The following PCDHGA11 variants were observed in gnomAD, a reference collection of about 807,000 sequenced individuals.
The protein encoded by PCDHGA11 is protocadherin gamma subfamily A, 11.
In PCDHGA11, 39 loss-of-function variants were observed where a neutral mutation model predicts 60.4. That is an observed-to-expected ratio of 0.65 (90% CI 0.50 to 0.84). The LOEUF is 0.84. Ranked by LOEUF, PCDHGA11 falls within the 40% of genes least tolerant of loss-of-function variation. The probability of loss-of-function intolerance (pLI) is 0.00; values close to 1 mark genes in which losing one functional copy is unlikely to be tolerated. For missense variants in PCDHGA11, 1,165 were observed against 1,197.7 expected (o/e 0.97, Z 0.40); for synonymous variants, 533 against 510.3 (o/e 1.04, Z -0.60).
At chr5:141,481,070 A>G (rs2099531062) in intron 1 of PCDHGA11, among the ~76,000 whole-genome samples, 1 of 152,144 alleles carries the variant, frequency 6.6e-6, no homozygotes, top group South Asian at 2.1e-4. Context: ...AAACAAAAAG[A>G]AAGAAAGAAA....
At chr5:141,464,000 T>C (rs1045842127) in intron 1 of PCDHGA11, among the ~76,000 whole-genome samples, 15 of 152,158 alleles carry the variant, frequency 9.9e-5, no homozygotes, top group Non-Finnish European at 1.3e-4. Context: ...GTGCAGTGGC[T>C]CATGCTTGTA....
chr5:141,427,839 G>T, intron 1 of PCDHGA11: 1 of 1,547,310 alleles, frequency 6.5e-7, no homozygotes, highest in Non-Finnish European at 8.8e-7. Flanking sequence ...GCGTGCCTTC[G>T]ACCACGAGCA....
chr5:141,478,290 A>G, intron 1 of PCDHGA11: 1 of 1,614,056 alleles, frequency 6.2e-7, no homozygotes, highest in South Asian at 1.1e-5. Flanking sequence ...CAGTCTAGAG[A>G]CCTATACCGA....
Position 141,427,970 on chromosome 5 carries a change from C to A in PCDHGA11, c.2433+4310C>A, listed in dbSNP as rs760792774. On this transcript the variant is annotated intron_variant, in intron 1 of 3. Coordinates refer to ENST00000398587, the MANE Select transcript of PCDHGA11 (RefSeq NM_018914.3). ...ATGACAATGTGCCGCGGGTGCTGTA[C>A]CCCGCGCTGGGGCCCGATGGCTCCG... 1.9e-6 allele frequency: 3 copies of A among 1,592,510 alleles called. No individual in the cohort carries two copies. The Admixed American group carries it at 5.0e-5, about 27-fold the overall frequency.
At position 141,432,987 on chromosome 5, in the gene PCDHGA11, T is replaced by C. The variant is rs1259121931; in HGVS notation, c.2433+9327T>C. ...GCGCCGGCGTCGCACTTTGTGGGCGTGGACGGGGTGCAGGCTTTCCTGCAG... is the reference window on the plus strand; with the variant it reads ...GCGCCGGCGTCGCACTTTGTGGGCGCGGACGGGGTGCAGGCTTTCCTGCAG... On this transcript the variant is annotated intron_variant, in intron 1 of 3. Coordinates refer to ENST00000398587, the MANE Select transcript of PCDHGA11 (RefSeq NM_018914.3). The surrounding 1 kb of genome is among the most constrained non-coding windows in gnomAD (Gnocchi z 6.0). The C allele has an allele frequency of 3.7e-6, 6 of 1,614,174 alleles. No individual in the cohort carries two copies. Among genetic ancestry groups the C allele is most frequent in the Non-Finnish European group, 5.1e-6 (6 of 1,180,032 alleles).
rs769607720 is a variant in PCDHGA11 at position 141,489,346 on chromosome 5, G to A, written c.2434-5461G>A. 4 of 1,611,652 alleles carry A rather than the reference G, an allele frequency of 2.5e-6. No individual in the cohort carries two copies. The highest frequency in any genetic ancestry group is 3.4e-6 in the Non-Finnish European group (4 of 1,178,446). On this transcript the variant is annotated intron_variant, in intron 1 of 3. Transcript: ENST00000398587. The surrounding 1 kb of genome is among the most constrained non-coding windows in gnomAD (Gnocchi z 4.5). Reference sequence around the variant, plus strand: ...GTCTGGGCAGCTTCGTTACTCAGTGGTGGAGGAGTCTGAGCCGGGGACGCT... The same window carrying A: ...GTCTGGGCAGCTTCGTTACTCAGTGATGGAGGAGTCTGAGCCGGGGACGCT...
Position 141,477,918 on chromosome 5 carries a change from G to A in PCDHGA11, c.2434-16889G>A. 1 of 1,614,154 alleles carries A rather than the reference G, an allele frequency of 6.2e-7. No individual in the cohort carries two copies. Among genetic ancestry groups the A allele is most frequent in the Admixed American group, 1.7e-5 (1 of 60,026 alleles). ...GTGGTAGGCTGGGACGCGGATGCAG[G>A]GCACAATGCCTGGCTCTCCTACAGT... is the stretch of plus-strand genomic sequence containing the variant. On this transcript the variant is annotated intron_variant, in intron 1 of 3. Coordinates refer to ENST00000398587, the MANE Select transcript of PCDHGA11 (RefSeq NM_018914.3). The surrounding 1 kb of genome is among the most constrained non-coding windows in gnomAD (Gnocchi z 4.9).
chr5:141,426,704 A>C, intron 1 of PCDHGA11: 1 of 440,322 alleles, frequency 2.3e-6, no homozygotes, highest in South Asian at 1.6e-5. Context: ...TTGTTTTACA[A>C]ATCAATGAAC....
In PCDHGA11 at chr5:141,490,594, C is replaced by A. The variant is rs1276468877; in HGVS notation, c.2434-4213C>A. The A allele has an allele frequency of 2.5e-6, 4 of 1,614,056 alleles. No individual in the cohort carries two copies. The highest frequency in any genetic ancestry group is 1.6e-4 in the Middle Eastern group (1 of 6,084). On this transcript the variant is annotated intron_variant, in intron 1 of 3. Transcript: ENST00000398587. The surrounding 1 kb of genome is among the most constrained non-coding windows in gnomAD (Gnocchi z 5.4). ...CATTTCAGATGTCAATGACAATGCA[C>A]CCCGCTTCAACCAGCAGCTTTACAC...
intron 1 of PCDHGA11, among the ~76,000 whole-genome samples, chr5:141,483,302 C>G (rs1262756268): frequency 2.0e-5 from 3 of 152,012 alleles, no homozygotes; most frequent in Admixed American, 6.5e-5. Context: ...AGTGAAGGGA[C>G]TGGGGACATT....
intron 1 of PCDHGA11, among the ~76,000 whole-genome samples, chr5:141,463,810 A>G (rs1469182885): frequency 6.6e-6 from 1 of 152,178 alleles, no homozygotes; most frequent in Non-Finnish European, 1.5e-5. Context: ...AAAAGCTTTT[A>G]TCACACATTT....
At position 141,432,816 on chromosome 5, in the gene PCDHGA11, C is replaced by A. The variant is rs778545682; in HGVS notation, c.2433+9156C>A. Reference sequence around the variant, plus strand: ...CTCGAGTCTCCAGCTAACTCTGAAACCTCAGACCTCACTCTGTACCTGGTG... The same window carrying A: ...CTCGAGTCTCCAGCTAACTCTGAAAACTCAGACCTCACTCTGTACCTGGTG... On this transcript the variant is annotated intron_variant, in intron 1 of 3. Transcript: ENST00000398587. The surrounding 1 kb of genome is among the most constrained non-coding windows in gnomAD (Gnocchi z 6.0). The A allele has an allele frequency of 7.6e-5, 122 of 1,614,044 alleles. No individual in the cohort carries two copies. The highest frequency in any genetic ancestry group is 3.3e-5 in the Admixed American group (2 of 60,012).
intron 2 of PCDHGA11, among the ~76,000 whole-genome samples, chr5:141,496,733 C>A (rs1221912777): frequency 6.6e-6 from 1 of 152,138 alleles, no homozygotes; most frequent in Non-Finnish European, 1.5e-5. Context: ...TGTATTCATT[C>A]GTTCATTTAT....
chr5:141,460,981 G>GTA (rs1491204135), intron 1 of PCDHGA11, among the ~76,000 whole-genome samples: 1,658 of 121,856 alleles, frequency 0.014, 27 homozygotes, highest in African/African-American at 0.051. Flanking sequence ...GTGTGTGTGT[G>GTA]TGTATATATA....
Position 141,423,176 on chromosome 5 carries a change from A to C in PCDHGA11, c.1949A>C (p.His650Pro), listed in dbSNP as rs781125798. Reference sequence around the variant, plus strand: ...AGCCTCGTGGTGGCCGTCCAGGACCACGGCCAGCCCCCTCTCTCGGCCACC... The same window carrying C: ...AGCCTCGTGGTGGCCGTCCAGGACCCCGGCCAGCCCCCTCTCTCGGCCACC... ...KQSLVVAVQD[H>P]GQPPLSATVT... The change falls in exon 1 of 4, where the codon CAC (histidine) becomes CCC (proline). Residue 650 changes from histidine to proline, a missense_variant. His to Pro is a moderately conservative substitution (Grantham distance 77, BLOSUM62 -2). Transcript: ENST00000398587. 1.7e-5 allele frequency: 28 copies of C among 1,613,356 alleles called. No homozygotes were observed. In the African/African-American group the frequency reaches 3.6e-4, roughly 21 times the overall value.
At chr5:141,478,467 G>T (rs2099457769) in intron 1 of PCDHGA11, 1 of 1,613,656 alleles carries the variant, frequency 6.2e-7, no homozygotes, top group South Asian at 1.1e-5. Flanking sequence ...CCACTGGCCA[G>T]CCGCCAGAAC....
In PCDHGA11 at chr5:141,463,518, G is replaced by A. The variant is rs537466389; in HGVS notation, c.2434-31289G>A. 5.7e-5 allele frequency among the ~76,000 whole-genome samples: 8 copies of A among 139,140 alleles called. No individual in the cohort carries two copies. The East Asian group carries it at 1.3e-3, about 22-fold the overall frequency. The allele number at this position is 139,140 out of a possible 152,430, so 91.3% of individuals were successfully genotyped here. On this transcript the variant is annotated intron_variant, in intron 1 of 3. Coordinates refer to ENST00000398587, the MANE Select transcript of PCDHGA11 (RefSeq NM_018914.3). The stretch of plus-strand genomic sequence containing the variant: ...GGCTGGAGTGACGTGGCGTGATCTC[G>A]GCTTACTAGAAACTCCGGCTCCCGG...
Position 141,487,831 on chromosome 5 carries a change from A to G in PCDHGA11, c.2434-6976A>G, listed in dbSNP as rs1001896359. ...TTAGCATTGGGGGCGGGTCATGCCTATATCTGAGTAAGAAATGAAAGTAAT... is the reference window on the plus strand; with the variant it reads ...TTAGCATTGGGGGCGGGTCATGCCTGTATCTGAGTAAGAAATGAAAGTAAT... On this transcript the variant is annotated intron_variant, in intron 1 of 3. Transcript: ENST00000398587. This position sits in a 1 kb window ranked among gnomAD's most constrained non-coding sequence, Gnocchi z 5.0. The G allele has an allele frequency of 1.1e-5, 13 of 1,144,204 alleles. No homozygotes were observed. Among genetic ancestry groups the G allele is most frequent in the Non-Finnish European group, 1.6e-5 (13 of 818,302 alleles). 70.9% of individuals were successfully genotyped at this position (1,144,204 alleles called of 1,614,324 possible). A position where few individuals can be genotyped will look rare whatever the true frequency, so the allele number is the denominator to read the frequency against.
chr5:141,477,031 A>G lies in PCDHGA11; in HGVS notation c.2434-17776A>G. 2 of 1,614,248 alleles carry G rather than the reference A, an allele frequency of 1.2e-6. No homozygotes were observed. The highest frequency in any genetic ancestry group is 2.2e-5 in the East Asian group (1 of 44,880). On this transcript the variant is annotated intron_variant, in intron 1 of 3. Transcript: ENST00000398587. This position sits in a 1 kb window ranked among gnomAD's most constrained non-coding sequence, Gnocchi z 4.9. ...TAGACCTTGTAACCGGGATGCTGAC[A>G]ATCAAGGGTCGGCTGGACTTCGAGG...
Sources: gnomAD v4.1 joint callset for allele counts (sites outside exome capture counted in the v4.1 genomes callset) on GRCh38, gnomAD v4.1.1 for gene constraint, Gnocchi (gnomAD v3.1) non-coding constraint, MANE v1.5 for transcripts, NCBI Gene and HGNC (gene_info 2026-07-23, HGNC 2026-07-21) for gene names.